INPP1: variants seen among roughly 807,000 people sequenced by gnomAD.
The protein encoded by INPP1 is inositol polyphosphate 1-phosphatase.
INPP1 carries 18 observed loss-of-function variants against 23.0 expected under a neutral mutation model. That is an observed-to-expected ratio of 0.78 (90% confidence interval 0.54 to 1.16). The LOEUF (loss-of-function observed/expected upper bound fraction) is 1.16, where lower values mean the gene tolerates loss of function less well. Ranked by LOEUF, INPP1 falls within the 50% of genes most tolerant of loss-of-function variation. INPP1 has a pLI of 0.00. For missense variants in INPP1, 448 were observed against 482.1 expected, an observed-to-expected ratio of 0.93 and a Z score of 0.66; for synonymous variants, 164 against 176.3, an observed-to-expected ratio of 0.93 and a Z score of 0.55.
rs1247359018 is a variant in INPP1 at position 190,346,600 on chromosome 2, TTC to T, written c.-208-2284_-208-2283del. Among the ~76,000 whole-genome samples the T allele has an allele frequency of 4.6e-5, 7 of 152,308 alleles. No homozygotes were observed. In the South Asian group the frequency reaches 1.2e-3, roughly 27 times the overall value. ...ACAGCAAAATATTGTACCTAATAAT[TTC>T]TCTTTCTTTTTTTTCTTTTTTTCTT... is the stretch of plus-strand genomic sequence containing the variant. On this transcript the variant is annotated intron_variant, in intron 1 of 6. Coordinates refer to ENST00000392329, the MANE Select transcript of INPP1 (RefSeq NM_001128928.2). This position sits in a 1 kb window ranked among gnomAD's most constrained non-coding sequence, Gnocchi z 5.1.
At position 190,352,578 on chromosome 2, in the gene INPP1, C is replaced by G. The variant is rs1220831820; in HGVS notation, c.-65+3547C>G. On this transcript the variant is annotated intron_variant, in intron 2 of 6. Coordinates refer to ENST00000392329, the MANE Select transcript of INPP1 (RefSeq NM_001128928.2). This position sits in a 1 kb window ranked among gnomAD's most constrained non-coding sequence, Gnocchi z 4.7. ...GCAAGTGACACAACACAGCGAGCCC[C>G]CCCTCCATATTTAGTGTGGGCCCAC... is the stretch of plus-strand genomic sequence containing the variant. 2.0e-5 allele frequency among the ~76,000 whole-genome samples: 3 copies of G among 152,134 alleles called. No homozygotes were observed. Among genetic ancestry groups the G allele is most frequent in the Non-Finnish European group, 4.4e-5 (3 of 68,020 alleles).
Position 190,371,622 on chromosome 2 carries a change from CTG to C in INPP1, c.*222_*223del. ...TGAAATTCTTACAGTGAATATTGTG[CTG>C]TTAGTGCTGCTTGAAACATTTCAAT... On this transcript the variant is annotated 3_prime_UTR_variant, in exon 7 of 7. Coordinates refer to ENST00000392329, the MANE Select transcript of INPP1 (RefSeq NM_001128928.2). This position sits in a 1 kb window ranked among gnomAD's most constrained non-coding sequence, Gnocchi z 5.3. 1 of 410,136 alleles carries C rather than the reference CTG, an allele frequency of 2.4e-6. No homozygotes were observed. The allele number at this position is 410,136 out of a possible 1,614,324, so 25.4% of individuals were successfully genotyped here. A position where few individuals can be genotyped will look rare whatever the true frequency, so the allele number is the denominator to read the frequency against.
intron 3 of INPP1, among the ~76,000 whole-genome samples, chr2:190,361,140 AG>A (rs11321941): frequency 0.41 from 62,466 of 151,932 alleles, 14,856 homozygotes; most frequent in African/African-American, 0.66. Flanking sequence ...GGGTGAAAAA[AG>A]GGAGGCACAG....
intron 4 of INPP1, among the ~76,000 whole-genome samples, chr2:190,364,601 T>G (rs1288046167): frequency 2.9e-4 from 29 of 100,532 alleles, no homozygotes; most frequent in African/African-American, 8.6e-4. Flanking sequence ...TTTTTTTTTT[T>G]TTTTTGTTAG....
At position 190,354,394 on chromosome 2, in the gene INPP1, A is replaced by G. The variant is rs1323931419; in HGVS notation, c.-65+5363A>G. Reference sequence around the variant, plus strand: ...TAAATTATGTTACTTCAAAATTCACATGTTGAAGCCCCAACCCCCAGTACC... The same window carrying G: ...TAAATTATGTTACTTCAAAATTCACGTGTTGAAGCCCCAACCCCCAGTACC... On this transcript the variant is annotated intron_variant, in intron 2 of 6. Transcript: ENST00000392329. This position sits in a 1 kb window ranked among gnomAD's most constrained non-coding sequence, Gnocchi z 4.8. 2.0e-5 allele frequency among the ~76,000 whole-genome samples: 3 copies of G among 147,880 alleles called. 1 individual carries two copies. Among genetic ancestry groups the G allele is most frequent in the Admixed American group, 1.4e-4 (2 of 14,726 alleles).
chr2:190,348,468 A>G (rs1222311576), intron 1 of INPP1, among the ~76,000 whole-genome samples: 1 of 152,170 alleles, frequency 6.6e-6, no homozygotes, highest in Admixed American at 6.5e-5. Context: ...TCACTTTGTT[A>G]TGCAACCATC....
rs977061916 is a variant in INPP1 at position 190,355,704 on chromosome 2, C to G, written c.-64-4335C>G. 1.3e-5 allele frequency among the ~76,000 whole-genome samples: 2 copies of G among 152,186 alleles called. No homozygotes were observed. Among genetic ancestry groups the G allele is most frequent in the Admixed American group, 1.3e-4 (2 of 15,286 alleles). On this transcript the variant is annotated intron_variant, in intron 2 of 6. Coordinates refer to ENST00000392329, the MANE Select transcript of INPP1 (RefSeq NM_001128928.2). The surrounding 1 kb of genome is among the most constrained non-coding windows in gnomAD (Gnocchi z 5.1). ...ATGGTAAATGCCATAACTTACTAAT[C>G]ATAAGTCTATAATAATTTTTATTTA...
intron 2 of INPP1, among the ~76,000 whole-genome samples, chr2:190,353,053 A>C (rs1428252873): frequency 1.3e-5 from 2 of 152,190 alleles, no homozygotes; most frequent in African/African-American, 4.8e-5. Context: ...ATGTCAACAG[A>C]AGTGCTTTGA....
chr2:190,353,624 A>C (rs1689363737), intron 2 of INPP1, among the ~76,000 whole-genome samples: 1 of 152,206 alleles, frequency 6.6e-6, no homozygotes, highest in Non-Finnish European at 1.5e-5. Context: ...TCTTCACAAC[A>C]TCACTGCAAG....
rs768042021 is a variant in INPP1 at position 190,369,083 on chromosome 2, A to C, written c.467-20A>C. ...AAATGATCTTTACCTGAATCCAAACACATTTGTTTCCTTTTTCAGATTCAA... is the reference window on the plus strand; with the variant it reads ...AAATGATCTTTACCTGAATCCAAACCCATTTGTTTCCTTTTTCAGATTCAA... On this transcript the variant is annotated intron_variant, in intron 5 of 6. Coordinates refer to ENST00000392329, the MANE Select transcript of INPP1 (RefSeq NM_001128928.2). The C allele has an allele frequency of 6.7e-7, 1 of 1,496,524 alleles. No individual in the cohort carries two copies. The highest frequency in any genetic ancestry group is 2.3e-5 in the East Asian group (1 of 43,214). The allele number at this position is 1,496,524 out of a possible 1,614,324, so 92.7% of individuals were successfully genotyped here.
chr2:190,353,188 C>G (rs1368088714), intron 2 of INPP1, among the ~76,000 whole-genome samples: 1 of 152,180 alleles, frequency 6.6e-6, no homozygotes, highest in Non-Finnish European at 1.5e-5. Flanking sequence ...AGGCTCTTCA[C>G]ATGAGAAGGA....
chr2:190,362,707 T>G lies in INPP1; in HGVS notation c.265+20T>G, dbSNP rs541804812. On this transcript the variant is annotated intron_variant, in intron 4 of 6. Coordinates refer to ENST00000392329, the MANE Select transcript of INPP1 (RefSeq NM_001128928.2). ...ACTGGGGTAAGTATAAGAATCTTAATGTGTCTTTGTAATTTAATTATCATA... is the reference window on the plus strand; with the variant it reads ...ACTGGGGTAAGTATAAGAATCTTAAGGTGTCTTTGTAATTTAATTATCATA... 4 of 1,480,612 alleles carry G rather than the reference T, an allele frequency of 2.7e-6. No individual in the cohort carries two copies. The highest frequency in any genetic ancestry group is 1.8e-5 in the Admixed American group (1 of 54,724). 91.7% of individuals were successfully genotyped at this position (1,480,612 alleles called of 1,614,324 possible).
intron 4 of INPP1, among the ~76,000 whole-genome samples, chr2:190,364,398 C>T (rs1177501550): frequency 3.3e-5 from 5 of 151,724 alleles, no homozygotes; most frequent in African/African-American, 7.3e-5. Context: ...AAAAATTAGC[C>T]GGGCGTGGTG....
At position 190,366,690 on chromosome 2, in the gene INPP1, C is replaced by A; in HGVS notation, c.266-5C>A. The A allele has an allele frequency of 6.2e-7, 1 of 1,606,018 alleles. No individual in the cohort carries two copies. Among genetic ancestry groups the A allele is most frequent in the Non-Finnish European group, 8.5e-7 (1 of 1,172,878 alleles). The stretch of plus-strand genomic sequence containing the variant: ...GTAATGGCTTATCGTGTGGCTTTAC[C>A]CTAGGGGAAAAGATTACCTTGAGGT... On this transcript the variant is annotated splice_polypyrimidine_tract_variant and splice_region_variant and intron_variant, in intron 4 of 6. Transcript: ENST00000392329.
Position 190,371,465 on chromosome 2 carries a change from T to C in INPP1, c.*63T>C. ...TGTGAAACTGTTTCGGTTATCTCTGTCTTTTGAGGATGGCTTTGTCCTGTT... is the reference window on the plus strand; with the variant it reads ...TGTGAAACTGTTTCGGTTATCTCTGCCTTTTGAGGATGGCTTTGTCCTGTT... On this transcript the variant is annotated 3_prime_UTR_variant, in exon 7 of 7. Coordinates refer to ENST00000392329, the MANE Select transcript of INPP1 (RefSeq NM_001128928.2). This position sits in a 1 kb window ranked among gnomAD's most constrained non-coding sequence, Gnocchi z 5.3. The C allele has an allele frequency of 1.5e-6, 2 of 1,310,590 alleles. No individual in the cohort carries two copies. 81.2% of individuals were successfully genotyped at this position (1,310,590 alleles called of 1,614,324 possible). A position where few individuals can be genotyped will look rare whatever the true frequency, so the allele number is the denominator to read the frequency against.
chr2:190,371,318 C>T lies in INPP1; in HGVS notation c.1116C>T (p.Leu372=). Reference sequence around the variant, plus strand: ...ATCGGTGGGCCAACAAGGGAGGACTCATTGCATACAGATCCAGGAAGCGGC... The same window carrying T: ...ATCGGTGGGCCAACAAGGGAGGACTTATTGCATACAGATCCAGGAAGCGGC... ...GVDRWANKGG[L]IAYRSRKRLE... is the part of the protein sequence containing the mutation. The change falls in exon 7 of 7, where the codon CTC becomes CTT. Residue 372 remains leucine, a synonymous_variant. Coordinates refer to ENST00000392329, the MANE Select transcript of INPP1 (RefSeq NM_001128928.2). This position sits in a 1 kb window ranked among gnomAD's most constrained non-coding sequence, Gnocchi z 5.3. 1 of 1,594,980 alleles carries T rather than the reference C, an allele frequency of 6.3e-7. No individual in the cohort carries two copies. Among genetic ancestry groups the T allele is most frequent in the South Asian group, 1.1e-5 (1 of 88,266 alleles).
chr2:190,366,339 GTC>G (rs1208849032), intron 4 of INPP1, among the ~76,000 whole-genome samples: 1 of 130,720 alleles, frequency 7.6e-6, no homozygotes, highest in Admixed American at 7.6e-5. Flanking sequence ...CTCTCGCTCT[GTC>G]TCTCTCTTGC....
chr2:190,349,414 G>C (rs2124915507), intron 2 of INPP1, among the ~76,000 whole-genome samples: 2 of 152,324 alleles, frequency 1.3e-5, no homozygotes, highest in African/African-American at 4.8e-5. Flanking sequence ...TCTAGCCTGG[G>C]TGATGGAAGC....
rs1010765280 is a variant in INPP1, at chr2:190,351,969, T to A, written c.-65+2938T>A. On this transcript the variant is annotated intron_variant, in intron 2 of 6. Transcript: ENST00000392329. ...CATACCCTTAGCAAAACTTGAAATT[T>A]TCAGTCTTTTTTATTTTAGCTATTC... 9.2e-5 allele frequency among the ~76,000 whole-genome samples: 14 copies of A among 152,222 alleles called. 1 individual carries two copies. The highest frequency in any genetic ancestry group is 1.3e-4 in the Admixed American group (2 of 15,280).
Sources: allele counts gnomAD v4.1 joint callset (sites outside exome capture counted in the v4.1 genomes callset), GRCh38; gene constraint gnomAD v4.1.1; non-coding constraint Gnocchi (gnomAD v3.1); transcripts MANE v1.5; gene names NCBI Gene and HGNC (gene_info 2026-07-23, HGNC 2026-07-21).